The following MAPRE2 variants were observed in gnomAD, a reference collection of about 807,000 sequenced individuals.
MAPRE2 encodes microtubule associated protein RP/EB family member 2, also known as microtubule-associated protein RP/EB family member 2.
In MAPRE2, 13 loss-of-function variants were observed where a neutral mutation model predicts 43.2. The observed-to-expected ratio is 0.30, with a 90% confidence interval of 0.20 to 0.48. MAPRE2 has a LOEUF of 0.48. Among genes scored for constraint, MAPRE2 ranks in the 20% least tolerant of loss-of-function variants. MAPRE2 has a pLI of 0.99. For synonymous variants in MAPRE2, 135 were observed against 148.8 expected, an observed-to-expected ratio of 0.91 and a Z score of 0.68; for missense variants, 161 against 400.2, an observed-to-expected ratio of 0.40 and a Z score of 5.10.
intron 2 of MAPRE2, among the ~76,000 whole-genome samples, chr18:35,072,415 T>G (rs2077775): frequency 0.16 from 23,819 of 152,052 alleles, 3,125 homozygotes; most frequent in African/African-American, 0.35. Flanking sequence ...GAAACAAGGT[T>G]GGTTATCAAG....
chr18:35,123,523 GACC>G (rs1909779294), intron 4 of MAPRE2, among the ~76,000 whole-genome samples: 1 of 152,176 alleles, frequency 6.6e-6, no homozygotes, highest in Admixed American at 6.5e-5. Flanking sequence ...GCCCAGCATA[GACC>G]ACTCAGAGTT....
At chr18:35,045,751 T>C (rs1282029577) in intron 1 of MAPRE2, among the ~76,000 whole-genome samples, 2 of 152,238 alleles carry the variant, frequency 1.3e-5, no homozygotes, top group African/African-American at 4.8e-5. Context: ...TGCAAAAGTC[T>C]ACGTTCATGT....
chr18:35,045,587 G>A (rs1008249551), intron 1 of MAPRE2, among the ~76,000 whole-genome samples: 11 of 152,140 alleles, frequency 7.2e-5, no homozygotes, highest in South Asian at 2.1e-4. Context: ...GAGAAATATC[G>A]TAATATTGTG....
chr18:35,092,230 G>T (rs1163951922), intron 2 of MAPRE2, among the ~76,000 whole-genome samples: 1 of 152,202 alleles, frequency 6.6e-6, no homozygotes, highest in South Asian at 2.1e-4. Context: ...TGAGATGTGG[G>T]TGGGGACGCA....
chr18:35,058,865 A>C (rs1178268083), intron 1 of MAPRE2, among the ~76,000 whole-genome samples: 2 of 152,200 alleles, frequency 1.3e-5, no homozygotes, highest in African/African-American at 4.8e-5. Flanking sequence ...CTCATGACAT[A>C]AACACAAGAG....
intron 1 of MAPRE2, among the ~76,000 whole-genome samples, chr18:35,002,657 G>A (rs1362779685): frequency 6.6e-6 from 1 of 151,968 alleles, no homozygotes; most frequent in Non-Finnish European, 1.5e-5. Flanking sequence ...TTATCTATAG[G>A]CTAATAATGT....
chr18:35,015,432 G>A (rs1456852992), intron 2 of MAPRE2, among the ~76,000 whole-genome samples: 1 of 152,088 alleles, frequency 6.6e-6, no homozygotes, highest in African/African-American at 2.4e-5. Flanking sequence ...CTTCGTTGTT[G>A]CTTTTTACAA....
rs1400356212 is a variant in MAPRE2 at position 34,985,478 on chromosome 18, AAT to A, written c.-70+8408_-70+8409del. Among the ~76,000 whole-genome samples, 36 of 53,942 alleles carry A rather than the reference AAT, an allele frequency of 6.7e-4. 3 individuals carry two copies. Among genetic ancestry groups the A allele is most frequent in the African/African-American group, 2.1e-3 (28 of 13,264 alleles). The allele number at this position is 53,942 out of a possible 152,430, so 35.4% of individuals were successfully genotyped here. A position where few individuals can be genotyped will look rare whatever the true frequency, so the allele number is the denominator to read the frequency against. On this transcript the variant is annotated intron_variant, in intron 1 of 7. Coordinates refer to the MAPRE2 transcript ENST00000413393. ...CTATATTGTATATTATATAATATAT[AAT>A]ATATATATTGTATATTATATAATAT...
chr18:35,099,159 A>G (rs1209276110), intron 3 of MAPRE2, among the ~76,000 whole-genome samples: 1 of 152,232 alleles, frequency 6.6e-6, no homozygotes, highest in Non-Finnish European at 1.5e-5. Context: ...AAAACTATTT[A>G]TAAATGTTCA....
intron 1 of MAPRE2, among the ~76,000 whole-genome samples, chr18:34,990,674 AT>A (rs1340948201): frequency 1.3e-5 from 2 of 152,070 alleles, no homozygotes; most frequent in Non-Finnish European, 2.9e-5. Context: ...TTGTTTTAAA[AT>A]TTTAGACAGT....
At chr18:35,103,364 A>T (rs1908764485) in intron 4 of MAPRE2, among the ~76,000 whole-genome samples, 1 of 152,156 alleles carries the variant, frequency 6.6e-6, no homozygotes, top group African/African-American at 2.4e-5. Flanking sequence ...GAGATGTTAA[A>T]CATGACTTCT....
At chr18:34,979,789 A>G (rs888164056) in intron 1 of MAPRE2, among the ~76,000 whole-genome samples, 3 of 152,186 alleles carry the variant, frequency 2.0e-5, no homozygotes, top group African/African-American at 7.2e-5. Context: ...TATTAACCAA[A>G]GGTTTCTTGC....
chr18:35,070,415 G>A lies in MAPRE2; in HGVS notation c.250+93G>A, dbSNP rs575138022. On this transcript the variant is annotated intron_variant, in intron 2 of 6. Coordinates refer to ENST00000300249, the MANE Select transcript of MAPRE2 (RefSeq NM_014268.4). ...AACCACAGCTGCTATATTTTGGGTA[G>A]GAAAAAGTATATATTGCTATTGGCA... is the stretch of plus-strand genomic sequence containing the variant. 43 of 1,149,522 alleles carry A rather than the reference G, an allele frequency of 3.7e-5. No individual in the cohort carries two copies. In the African/African-American group the frequency reaches 5.9e-4, roughly 16 times the overall value. 71.2% of individuals were successfully genotyped at this position (1,149,522 alleles called of 1,614,324 possible).
chr18:35,002,563 G>A (rs1055642658), intron 1 of MAPRE2, among the ~76,000 whole-genome samples: 5 of 151,972 alleles, frequency 3.3e-5, no homozygotes, highest in South Asian at 2.1e-4. Context: ...TCAAACCCTC[G>A]CCAACATTTG....
At chr18:35,113,678 A>T (rs559625201) in intron 4 of MAPRE2, among the ~76,000 whole-genome samples, 1 of 152,344 alleles carries the variant, frequency 6.6e-6, no homozygotes, top group Admixed American at 6.5e-5. Context: ...GGATTGCTTC[A>T]GCTCAGGAAT....
chr18:35,047,969 A>G (rs1905722056), intron 1 of MAPRE2, among the ~76,000 whole-genome samples: 1 of 152,210 alleles, frequency 6.6e-6, no homozygotes. Flanking sequence ...TTGTTCCAGC[A>G]GGTAAAATGA....
intron 1 of MAPRE2, among the ~76,000 whole-genome samples, chr18:34,981,266 C>T (rs993722663): frequency 1.3e-5 from 2 of 151,632 alleles, no homozygotes; most frequent in Non-Finnish European, 1.5e-5. Context: ...CCCAGCTACT[C>T]GGGAGGCTGA....
chr18:35,030,373 T>C (rs2097047255), intron 2 of MAPRE2, among the ~76,000 whole-genome samples: 1 of 152,224 alleles, frequency 6.6e-6, no homozygotes, highest in Non-Finnish European at 1.5e-5. Context: ...CCACCCTGGA[T>C]TCTGCATTCT....
intron 1 of MAPRE2, among the ~76,000 whole-genome samples, chr18:34,997,811 C>T (rs564958021): frequency 1.7e-4 from 26 of 152,212 alleles, no homozygotes; most frequent in African/African-American, 5.3e-4. Flanking sequence ...AGTGAGACTC[C>T]GTCTCAAACA....
Sources: gnomAD v4.1 joint callset for allele counts (sites outside exome capture counted in the v4.1 genomes callset) on GRCh38, gnomAD v4.1.1 for gene constraint, MANE v1.5 for transcripts, NCBI Gene and HGNC (gene_info 2026-07-23, HGNC 2026-07-21) for gene names.